Variants in CCDC33 observed in about 807,000 individuals in gnomAD.
CCDC33 encodes the protein coiled-coil domain-containing protein 33.
Under a neutral mutation model 91.9 loss-of-function variants are expected in CCDC33, and 94 were observed. The ratio of observed to expected loss-of-function variants is 1.02; its 90% confidence interval spans 0.87 to 1.21. The LOEUF (loss-of-function observed/expected upper bound fraction) is 1.21, where lower values mean the gene tolerates loss of function less well. Ranked by LOEUF, CCDC33 falls within the 50% of genes most tolerant of loss-of-function variation. The pLI, the probability that CCDC33 is intolerant of heterozygous loss-of-function variation, is 0.00. For synonymous variants in CCDC33, 396 were observed against 374.5 expected (o/e 1.06, Z -0.66); for missense variants, 940 against 935.5 (o/e 1.00, Z -0.06).
chr15:74,254,743 T>C (rs1473131534), intron 2 of CCDC33, among the ~76,000 whole-genome samples: 2 of 136,760 alleles, frequency 1.5e-5, no homozygotes, highest in Admixed American at 7.2e-5. Context: ...CTACCCTCCT[T>C]CTTTTTTTTT....
At chr15:74,295,021 ACTGT>A (rs1362304313) in intron 10 of CCDC33, among the ~76,000 whole-genome samples, 1 of 152,200 alleles carries the variant, frequency 6.6e-6, no homozygotes, top group Non-Finnish European at 1.5e-5. Context: ...GAGAGGAGAG[ACTGT>A]CTGCTTAATG....
chr15:74,258,897 C>T (rs2075949244), intron 2 of CCDC33, among the ~76,000 whole-genome samples: 1 of 152,190 alleles, frequency 6.6e-6, no homozygotes, highest in Non-Finnish European at 1.5e-5. Context: ...GCCTGGCCCC[C>T]TTACACCCTG....
intron 2 of CCDC33, among the ~76,000 whole-genome samples, chr15:74,257,810 A>G (rs2075913109): frequency 6.6e-6 from 1 of 152,022 alleles, no homozygotes. Flanking sequence ...GCAGAAGCCA[A>G]CTCCACACCT....
At chr15:74,223,185 A>C (rs1181125727) in intron 2 of CCDC33, among the ~76,000 whole-genome samples, 2 of 151,986 alleles carry the variant, frequency 1.3e-5, no homozygotes, top group Non-Finnish European at 2.9e-5. Flanking sequence ...GGTTTCCCTC[A>C]TCTTCTGAAG....
intron 9 of CCDC33, 98 bp from the exon 10 acceptor site, chr15:74,281,680 G>C: frequency 2.7e-6 from 3 of 1,120,698 alleles, no homozygotes; most frequent in South Asian, 1.3e-5. Flanking sequence ...GGTGCAGCCC[G>C]CAGGTGACAC....
chr15:74,214,100 G>C (rs1320687611), upstream of CCDC33, among the ~76,000 whole-genome samples: 6 of 151,980 alleles, frequency 3.9e-5, no homozygotes, highest in Non-Finnish European at 7.4e-5. Flanking sequence ...TTGAAGATAG[G>C]GGTCTCAGAG....
rs2075168928 is a variant in CCDC33, at chr15:74,236,698, A to G, written c.-22A>G. Reference sequence around the variant, plus strand: ...ATCCCCAAGATTGTTAAACAAGGCCAGACACTCCTGGCCTCAAGAGGATGG... The same window carrying G: ...ATCCCCAAGATTGTTAAACAAGGCCGGACACTCCTGGCCTCAAGAGGATGG... On this transcript the variant is annotated 5_prime_UTR_variant, in exon 1 of 19. Coordinates refer to ENST00000398814, the MANE Select transcript of CCDC33 (RefSeq NM_025055.5). 6.2e-7 allele frequency: 1 copy of G among 1,613,088 alleles called. No individual in the cohort carries two copies. Among genetic ancestry groups the G allele is most frequent in the South Asian group, 1.1e-5 (1 of 90,904 alleles).
intron 1 of CCDC33, among the ~76,000 whole-genome samples, chr15:74,239,863 C>T (rs1323357231): frequency 6.6e-6 from 1 of 152,198 alleles, no homozygotes; most frequent in East Asian, 1.9e-4. Flanking sequence ...AGTTCCCTAC[C>T]ACTCATGTAA....
At chr15:74,330,512 C>A in intron 12 of CCDC33, 151 bp from the exon 13 acceptor site, 2 of 1,055,704 alleles carry the variant, frequency 1.9e-6, no homozygotes, top group South Asian at 1.5e-5. Flanking sequence ...CAGTCCCTGC[C>A]CAGCTGGGTC....
intron 2 of CCDC33, among the ~76,000 whole-genome samples, chr15:74,253,316 C>T (rs538723726): frequency 2.5e-4 from 38 of 152,272 alleles, no homozygotes; most frequent in Non-Finnish European, 4.6e-4. Flanking sequence ...ATGTAGCTTC[C>T]CTCTCCCTAG....
intron 18 of CCDC33, chr15:74,335,322 T>C: frequency 1.6e-6 from 1 of 608,406 alleles, no homozygotes; most frequent in East Asian, 2.7e-5. Context: ...CTTTCCCCCA[T>C]GGGGTGCTGT....
chr15:74,289,811 C>A (rs915319594), intron 10 of CCDC33, among the ~76,000 whole-genome samples: 1 of 152,158 alleles, frequency 6.6e-6, no homozygotes, highest in Non-Finnish European at 1.5e-5. Context: ...AATGCCTCAC[C>A]AACCACAGAA....
At position 74,240,526 on chromosome 15, in the gene CCDC33, C is replaced by T. The variant is rs552784285; in HGVS notation, c.22-3459C>T. ...AATCACAAACTATTCCAGACATTCC[C>T]ATTGGCCAGGTGGGAAAATCAAGGC... is the stretch of plus-strand genomic sequence containing the variant. On this transcript the variant is annotated intron_variant, in intron 1 of 18. Coordinates refer to ENST00000398814, the MANE Select transcript of CCDC33 (RefSeq NM_025055.5). 2.0e-5 allele frequency among the ~76,000 whole-genome samples: 3 copies of T among 152,272 alleles called. No individual in the cohort carries two copies. In the South Asian group the frequency reaches 6.2e-4, roughly 32 times the overall value.
At chr15:74,206,756 C>T (rs772457891) in intron 1 of CCDC33, among the ~76,000 whole-genome samples, 1 of 152,216 alleles carries the variant, frequency 6.6e-6, no homozygotes. Flanking sequence ...TGAATTGACA[C>T]GTGTCTCAGG....
At chr15:74,265,616 G>C (rs948624295) in intron 3 of CCDC33, among the ~76,000 whole-genome samples, 9 of 152,202 alleles carry the variant, frequency 5.9e-5, no homozygotes, top group Admixed American at 1.3e-4. Flanking sequence ...GAATTTGTTG[G>C]AATCATGGCT....
chr15:74,287,399 A>G (rs932515952), intron 10 of CCDC33, among the ~76,000 whole-genome samples: 2 of 152,128 alleles, frequency 1.3e-5, no homozygotes, highest in African/African-American at 4.8e-5. Context: ...TCATTGCCTC[A>G]GGTCATTTGG....
intron 7 of CCDC33, among the ~76,000 whole-genome samples, chr15:74,277,102 G>A (rs1263049465): frequency 8.5e-5 from 13 of 152,216 alleles, no homozygotes; most frequent in Admixed American, 8.5e-4. Context: ...CAGTGAAGTT[G>A]AACTTACATC....
chr15:74,245,522 C>T (rs2075496072), intron 2 of CCDC33, among the ~76,000 whole-genome samples: 1 of 152,256 alleles, frequency 6.6e-6, no homozygotes, highest in South Asian at 2.1e-4. Flanking sequence ...TATCGCCGAT[C>T]ATCTCGGGAG....
chr15:74,213,429 G>C (rs568639701), upstream of CCDC33: 1 of 152,170 alleles, frequency 6.6e-6, no homozygotes, highest in African/African-American at 2.4e-5. Context: ...CAGTCATATC[G>C]CTACACAGCT....
Sources: allele counts gnomAD v4.1 joint callset (sites outside exome capture counted in the v4.1 genomes callset), GRCh38; gene constraint gnomAD v4.1.1; transcripts MANE v1.5; gene names NCBI Gene and HGNC (gene_info 2026-07-23, HGNC 2026-07-21).